The following MED13L variants were observed in gnomAD, a reference collection of about 807,000 sequenced individuals.
MED13L encodes the protein mediator of RNA polymerase II transcription subunit 13-like.
In MED13L, 7 loss-of-function variants were observed where a neutral mutation model predicts 220.9. That is an observed-to-expected ratio of 0.03 (90% CI 0.02 to 0.06). The LOEUF is 0.06. Ranked by LOEUF, MED13L falls within the 10% of genes least tolerant of loss-of-function variation. MED13L has a pLI of 1.00. For synonymous variants in MED13L, 1,011 were observed against 1,015.2 expected (o/e 1.00, Z 0.08); for missense variants, 1,965 against 2,760.5 (o/e 0.71, Z 6.46).
At chr12:116,188,186 TATAAAC>T (rs1286024271) in intron 2 of MED13L, among the ~76,000 whole-genome samples, 1 of 152,064 alleles carries the variant, frequency 6.6e-6, no homozygotes, top group African/African-American at 2.4e-5. Flanking sequence ...GAAAAGAAAT[TATAAAC>T]ATAAAGGAAT....
chr12:116,250,421 AAAG>A (rs1383707761), intron 1 of MED13L, among the ~76,000 whole-genome samples: 1 of 151,864 alleles, frequency 6.6e-6, no homozygotes, highest in African/African-American at 2.4e-5. Context: ...GATCTACACA[AAAG>A]AAGAACAATT....
At chr12:116,006,175 A>G (rs1879035311) in intron 12 of MED13L, 131 bp downstream of exon 12, 10 of 1,248,352 alleles carry the variant, frequency 8.0e-6, no homozygotes, top group Non-Finnish European at 1.1e-5. Context: ...TGAAAAACAA[A>G]CTATGAAAAA....
intron 2 of MED13L, among the ~76,000 whole-genome samples, chr12:116,195,823 G>A (rs933879345): frequency 6.6e-6 from 1 of 151,732 alleles, no homozygotes; most frequent in African/African-American, 2.4e-5. Flanking sequence ...AAGGCTAGGT[G>A]GAAATGAAAA....
intron 27 of MED13L, among the ~76,000 whole-genome samples, chr12:115,970,375 T>A (rs1210912099): frequency 6.6e-6 from 1 of 152,226 alleles, no homozygotes; most frequent in East Asian, 1.9e-4. Flanking sequence ...TGGAAGAAAG[T>A]TAATTGCCCA....
At chr12:116,111,625 C>T (rs1247516216) in intron 2 of MED13L, 113 bp from the exon 3 acceptor site, 6 of 754,450 alleles carry the variant, frequency 8.0e-6, no homozygotes, top group African/African-American at 1.8e-5. Context: ...ATTTAAATGA[C>T]TTAAATAATC....
At chr12:115,979,223 G>A (rs998121100) in intron 23 of MED13L, among the ~76,000 whole-genome samples, 1 of 152,098 alleles carries the variant, frequency 6.6e-6, no homozygotes, top group African/African-American at 2.4e-5. Flanking sequence ...AAGCAAAATG[G>A]AGAAAAACGA....
chr12:115,969,526 C>G (rs778139090), intron 27 of MED13L, among the ~76,000 whole-genome samples: 1 of 152,166 alleles, frequency 6.6e-6, no homozygotes. Flanking sequence ...TGTGAACTTG[C>G]CCTGAAAATG....
intron 1 of MED13L, among the ~76,000 whole-genome samples, chr12:116,261,820 A>G (rs969446901): frequency 1.3e-5 from 2 of 152,074 alleles, no homozygotes; most frequent in East Asian, 1.9e-4. Flanking sequence ...AAGCCTGTCA[A>G]CTCTACCTCC....
At chr12:116,253,129 G>A (rs1470556977) in intron 1 of MED13L, among the ~76,000 whole-genome samples, 1 of 150,970 alleles carries the variant, frequency 6.6e-6, no homozygotes, top group Non-Finnish European at 1.5e-5. Context: ...AGATGTGTTG[G>A]TGCGCACCTG....
chr12:116,017,750 G>T (rs1879812684), intron 7 of MED13L, among the ~76,000 whole-genome samples: 1 of 152,024 alleles, frequency 6.6e-6, no homozygotes, highest in African/African-American at 2.4e-5. Context: ...CAAGTAGCTG[G>T]AACTACAGGC....
chr12:116,076,074 C>T (rs1397262344), intron 4 of MED13L, among the ~76,000 whole-genome samples: 2 of 151,866 alleles, frequency 1.3e-5, no homozygotes, highest in South Asian at 2.1e-4. Flanking sequence ...CTACCACGCC[C>T]GGCTAATTTT....
At chr12:116,199,464 G>A (rs1881858678) in intron 2 of MED13L, among the ~76,000 whole-genome samples, 1 of 152,038 alleles carries the variant, frequency 6.6e-6, no homozygotes, top group Non-Finnish European at 1.5e-5. Context: ...TCCTTATTTA[G>A]GAATACTAAA....
intron 17 of MED13L, among the ~76,000 whole-genome samples, chr12:115,987,490 T>C (rs1284684606): frequency 3.3e-5 from 5 of 152,216 alleles, no homozygotes; most frequent in African/African-American, 4.8e-5. Flanking sequence ...GTATCAACAA[T>C]AATAAAAGGG....
intron 4 of MED13L, among the ~76,000 whole-genome samples, chr12:116,053,773 A>G (rs750710709): frequency 6.6e-6 from 1 of 152,190 alleles, no homozygotes; most frequent in Non-Finnish European, 1.5e-5. Flanking sequence ...AAATGGCATG[A>G]TAAAAACTGG....
Position 116,022,457 on chromosome 12 carries a change from T to C in MED13L, c.624A>G (p.Gln208=). The C allele has an allele frequency of 6.2e-7, 1 of 1,613,592 alleles. No homozygotes were observed. The highest frequency in any genetic ancestry group is 2.2e-5 in the East Asian group (1 of 44,834). The change falls in exon 5 of 31, where the codon CAA becomes CAG. Residue 208 remains glutamine (Q), a splice_region_variant and synonymous_variant. Coordinates refer to ENST00000281928, the MANE Select transcript of MED13L (RefSeq NM_015335.5). ...HMAQSSPAPF[Q]VLVSPYGLNG... ...GAGAGCAGGAACACCCATACTTACC[T>C]TGAAATGGTGCAGGTGAAGACTGAG... is the stretch of plus-strand genomic sequence containing the variant.
chr12:116,062,127 TG>T (rs1462052844), intron 4 of MED13L, among the ~76,000 whole-genome samples: 13 of 152,124 alleles, frequency 8.5e-5, no homozygotes. Context: ...TTCTTTTTTC[TG>T]GGTATGGTGG....
chr12:116,232,055 T>G (rs1341792785), intron 2 of MED13L: 3 of 981,966 alleles, frequency 3.1e-6, no homozygotes, highest in Non-Finnish European at 3.6e-6. Context: ...TTAAATTATC[T>G]TACACCGTGG....
chr12:116,026,182 C>T (rs1313165341), intron 4 of MED13L, among the ~76,000 whole-genome samples: 1 of 152,032 alleles, frequency 6.6e-6, no homozygotes, highest in Non-Finnish European at 1.5e-5. Flanking sequence ...CATCGGAAGA[C>T]TCGTATATGC....
chr12:116,268,251 T>C (rs935560783), intron 1 of MED13L, among the ~76,000 whole-genome samples: 12 of 152,320 alleles, frequency 7.9e-5, no homozygotes, highest in South Asian at 2.1e-4. Context: ...TTAAGTAGCA[T>C]TGTGCCAGGC....
Sources: gnomAD v4.1 joint callset for allele counts (sites outside exome capture counted in the v4.1 genomes callset) on GRCh38, gnomAD v4.1.1 for gene constraint, MANE v1.5 for transcripts, NCBI Gene and HGNC (gene_info 2026-07-23, HGNC 2026-07-21) for gene names.